The following FBLN1 variants were observed in gnomAD, a reference collection of about 807,000 sequenced individuals.
FBLN1 encodes fibulin-1.
Under a neutral mutation model 89.7 loss-of-function variants are expected in FBLN1, and 34 were observed. The ratio of observed to expected loss-of-function variants is 0.38; its 90% CI spans 0.29 to 0.50. The LOEUF (loss-of-function observed/expected upper bound fraction) is 0.50. Ranked by LOEUF, FBLN1 falls within the 20% of genes least tolerant of loss-of-function variation. The pLI, the probability that FBLN1 is intolerant of heterozygous loss-of-function variation, is 0.92. For missense variants in FBLN1, 777 were observed against 988.1 expected (o/e 0.79, Z 2.86); for synonymous variants, 393 against 391.3 (o/e 1.00, Z -0.05).
intron 16 of FBLN1, among the ~76,000 whole-genome samples, chr22:45,593,817 TTTCTTC>T (rs1162606183): frequency 6.6e-5 from 10 of 152,184 alleles, no homozygotes; most frequent in Non-Finnish European, 7.3e-5. Flanking sequence ...TTCACTCTCT[TTTCTTC>T]TTCTTCTGCC....
At chr22:45,569,849 T>C (rs776575411) in intron 14 of FBLN1, among the ~76,000 whole-genome samples, 1 of 152,114 alleles carries the variant, frequency 6.6e-6, no homozygotes, top group Non-Finnish European at 1.5e-5. Flanking sequence ...TTTCTCTTGG[T>C]TAGGCCACCC....
Position 45,532,924 on chromosome 22 carries a change from G to A in FBLN1, c.545-139G>A. The stretch of plus-strand genomic sequence containing the variant: ...TGGGGGTCTCCCAGTAGGGCAGCAG[G>A]TGGGCTCCAGCCAGGTCAGCCTGCC... On this transcript the variant is annotated intron_variant, in intron 5 of 16. Transcript: ENST00000327858. This position sits in a 1 kb window ranked among gnomAD's most constrained non-coding sequence, Gnocchi z 4.2. 1 of 735,824 alleles carries A rather than the reference G, an allele frequency of 1.4e-6. No homozygotes were observed. Among genetic ancestry groups the A allele is most frequent in the Non-Finnish European group, 2.3e-6 (1 of 426,336 alleles). 45.6% of individuals were successfully genotyped at this position (735,824 alleles called of 1,614,324 possible).
chr22:45,594,190 G>T (rs1016098672), intron 16 of FBLN1, among the ~76,000 whole-genome samples: 2 of 152,184 alleles, frequency 1.3e-5, no homozygotes, highest in Non-Finnish European at 2.9e-5. Flanking sequence ...AGTGTTCCTT[G>T]CTACTTCTTC....
At chr22:45,584,031 C>A (rs932710611) in intron 16 of FBLN1, among the ~76,000 whole-genome samples, 1 of 152,128 alleles carries the variant, frequency 6.6e-6, no homozygotes, top group Admixed American at 6.5e-5. Context: ...AGGCAGGGGC[C>A]CCCAGGAGGT....
intron 16 of FBLN1, among the ~76,000 whole-genome samples, chr22:45,582,243 G>A (rs1271521820): frequency 6.6e-6 from 1 of 152,184 alleles, no homozygotes; most frequent in Non-Finnish European, 1.5e-5. Flanking sequence ...ATCTACACTG[G>A]CTGGCATCTG....
rs1194025767 is a variant in FBLN1, at chr22:45,554,997, C to CCG, written c.1697+4383_1697+4384insGC. ...AAGTTAGGACCCGTCCCCGTCTCCA[C>CCG]CACAGGAAGTTAGGACCCGTCCCCG... is the stretch of plus-strand genomic sequence containing the variant. On this transcript the variant is annotated intron_variant, in intron 14 of 16. Coordinates refer to ENST00000327858, the MANE Select transcript of FBLN1 (RefSeq NM_006486.3). Among the ~76,000 whole-genome samples the CCG allele has an allele frequency of 4.8e-4, 72 of 149,344 alleles. 3 individuals are homozygous for CCG. Among genetic ancestry groups the CCG allele is most frequent in the African/African-American group, 1.7e-3 (67 of 39,042 alleles).
intron 4 of FBLN1, among the ~76,000 whole-genome samples, chr22:45,529,750 C>T (rs1268064057): frequency 2.6e-5 from 4 of 152,172 alleles, no homozygotes; most frequent in Non-Finnish European, 5.9e-5. Flanking sequence ...CCTGTAATCC[C>T]AGCTACTTGG....
At chr22:45,529,354 C>T (rs73447418) in intron 4 of FBLN1, among the ~76,000 whole-genome samples, 5,844 of 152,310 alleles carry the variant, frequency 0.038, 335 homozygotes, top group African/African-American at 0.13. Context: ...TGTGCCCCCC[C>T]GTTCTGTGTC....
Position 45,535,269 on chromosome 22 carries a change from C to A in FBLN1, c.854C>A (p.Ser285Tyr). 6.2e-7 allele frequency: 1 copy of A among 1,614,174 alleles called. No individual in the cohort carries two copies. Among genetic ancestry groups the A allele is most frequent in the Non-Finnish European group, 8.5e-7 (1 of 1,180,034 alleles). Residue 285 changes from serine to tyrosine, a missense_variant, in exon 8 of 17, where the codon TCC becomes TAC. By Grantham distance (144) the Ser-to-Tyr change is moderately radical. Transcript: ENST00000327858. ...TTTATCTGTCAGAATACTCTGGGAT[C>A]CTTCCGCTGCCGACCCAAGCTACAG... ...PDFICQNTLG[S>Y]FRCRPKLQCK...
chr22:45,535,180 C>G lies in FBLN1; in HGVS notation c.785-20C>G. On this transcript the variant is annotated intron_variant, in intron 7 of 16. Coordinates refer to ENST00000327858, the MANE Select transcript of FBLN1 (RefSeq NM_006486.3). The stretch of plus-strand genomic sequence containing the variant: ...TGGCAGGACTCTTGCTAACAATTTC[C>G]TTTTTTTATGATGTACCAGATATTG... The G allele has an allele frequency of 6.2e-7, 1 of 1,613,912 alleles. No homozygotes were observed. The highest frequency in any genetic ancestry group is 2.2e-5 in the East Asian group (1 of 44,880).
chr22:45,578,619 GTTGGGTCAGGGC>G lies in FBLN1; in HGVS notation c.1972+1514_1972+1525del, dbSNP rs1476013440. ...GTGCAGGAGGGCAGGCAGGGAGGGG[GTTGGGTCAGGGC>G]TTTGTCCTGTCCCACTGGGTGGGTG... On this transcript the variant is annotated intron_variant, in intron 16 of 16. Coordinates refer to ENST00000327858, the MANE Select transcript of FBLN1 (RefSeq NM_006486.3). This position sits in a 1 kb window ranked among gnomAD's most constrained non-coding sequence, Gnocchi z 4.6. 6.8e-6 allele frequency among the ~76,000 whole-genome samples: 1 copy of G among 147,726 alleles called. No individual in the cohort carries two copies. Among genetic ancestry groups the G allele is most frequent in the Non-Finnish European group, 1.5e-5 (1 of 67,082 alleles).
At chr22:45,534,732 T>C (rs2088462283) in intron 7 of FBLN1, among the ~76,000 whole-genome samples, 1 of 152,180 alleles carries the variant, frequency 6.6e-6, no homozygotes, top group Non-Finnish European at 1.5e-5. Flanking sequence ...CATTTGACCA[T>C]TTGACAGCCA....
Position 45,523,208 on chromosome 22 carries a change from T to C in FBLN1, c.186-2335T>C, listed in dbSNP as rs942196410. Reference sequence around the variant, plus strand: ...GCGCAAGAGCCCAGAGGAGAGGGTGTGTACAGCAAGGCGGCCAGGGTGGCT... The same window carrying C: ...GCGCAAGAGCCCAGAGGAGAGGGTGCGTACAGCAAGGCGGCCAGGGTGGCT... On this transcript the variant is annotated intron_variant, in intron 2 of 16. Coordinates refer to ENST00000327858, the MANE Select transcript of FBLN1 (RefSeq NM_006486.3). 10 of 770,972 alleles carry C rather than the reference T, an allele frequency of 1.3e-5. No individual in the cohort carries two copies. The African/African-American group carries it at 1.7e-4, about 13-fold the overall frequency. The allele number at this position is 770,972 out of a possible 1,614,324, so 47.8% of individuals were successfully genotyped here.
At chr22:45,571,111 C>CAAAAAAAAAAAAGAA (rs2088949673) in intron 14 of FBLN1, among the ~76,000 whole-genome samples, 1 of 70,862 alleles carries the variant, frequency 1.4e-5, no homozygotes, top group Non-Finnish European at 2.5e-5. Flanking sequence ...ACAAGAGTCT[C>CAAAAAAAAAAAAGAA]AAAAAAAAAA....
In FBLN1 at chr22:45,600,724, C is replaced by T. The variant is rs1018487319; in HGVS notation, c.*278C>T. Reference sequence around the variant, plus strand: ...CCCCCTTTCTCTGCCTCTGGCTGGGCCTTGCTAAGGGCCAAGGAAAGAAAG... The same window carrying T: ...CCCCCTTTCTCTGCCTCTGGCTGGGTCTTGCTAAGGGCCAAGGAAAGAAAG... On this transcript the variant is annotated 3_prime_UTR_variant, in exon 17 of 17. Transcript: ENST00000327858. 1.6e-5 allele frequency: 8 copies of T among 490,880 alleles called. No homozygotes were observed. The highest frequency in any genetic ancestry group is 3.0e-5 in the Non-Finnish European group (8 of 268,808). 30.4% of individuals were successfully genotyped at this position (490,880 alleles called of 1,614,324 possible). A position where few individuals can be genotyped will look rare whatever the true frequency, so the allele number is the denominator to read the frequency against.
intron 14 of FBLN1, among the ~76,000 whole-genome samples, chr22:45,568,528 TCTTCTGTAGGGGAATGCTC>T (rs1307401305): frequency 7.4e-4 from 86 of 116,172 alleles, no homozygotes; most frequent in Middle Eastern, 4.2e-3. Context: ...GGGGAATGCC[TCTTCTGTAGGGGAATGCTC>T]CTTCTGTAGG....
intron 14 of FBLN1, chr22:45,565,380 G>C: frequency 1.1e-6 from 1 of 952,174 alleles, no homozygotes; most frequent in South Asian, 1.7e-5. Context: ...CTGGCCCCAC[G>C]GGGAGGCTTG....
At chr22:45,589,467 C>A (rs961577695) in intron 16 of FBLN1, among the ~76,000 whole-genome samples, 1 of 152,216 alleles carries the variant, frequency 6.6e-6, no homozygotes, top group East Asian at 1.9e-4. Context: ...CAGTCATCTG[C>A]AGATTCGCGA....
intron 1 of FBLN1, among the ~76,000 whole-genome samples, chr22:45,507,971 C>A (rs1474738726): frequency 2.0e-5 from 3 of 152,164 alleles, no homozygotes; most frequent in Non-Finnish European, 4.4e-5. Context: ...GTCACTGATG[C>A]GTGTGATAGG....
Sources: gnomAD v4.1 joint callset for allele counts (sites outside exome capture counted in the v4.1 genomes callset) on GRCh38, gnomAD v4.1.1 for gene constraint, Gnocchi (gnomAD v3.1) non-coding constraint, MANE v1.5 for transcripts, NCBI Gene and HGNC (gene_info 2026-07-23, HGNC 2026-07-21) for gene names.